Variants in DISC1 observed in about 807,000 individuals in gnomAD.
DISC1 encodes the protein DISC1 scaffold protein, also known as disrupted in schizophrenia 1 protein.
In DISC1, 57 loss-of-function variants were observed where a neutral mutation model predicts 84.5. That is an observed-to-expected ratio of 0.67 (90% CI 0.55 to 0.84). DISC1 has a LOEUF of 0.84. DISC1 is among the 40% of genes least tolerant of loss of function. The probability of loss-of-function intolerance (pLI) is 0.00; values close to 1 mark genes in which losing one functional copy is unlikely to be tolerated. For missense variants in DISC1, 1,000 were observed against 1,057.8 expected (o/e 0.95, Z 0.76); for synonymous variants, 411 against 415.2 (o/e 0.99, Z 0.12).
intron 9 of DISC1, among the ~76,000 whole-genome samples, chr1:231,857,222 G>C (rs2084333955): frequency 1.3e-5 from 2 of 152,160 alleles, no homozygotes; most frequent in Admixed American, 6.5e-5. Flanking sequence ...GGCTCTAGGG[G>C]ACCCTCCAGA....
At position 231,732,223 on chromosome 1, in the gene DISC1, A is replaced by G. The variant is rs537016216; in HGVS notation, c.1118-17703A>G. Among the ~76,000 whole-genome samples the G allele has an allele frequency of 2.0e-5, 3 of 152,350 alleles. No homozygotes were observed. In the South Asian group the frequency reaches 6.2e-4, roughly 32 times the overall value. On this transcript the variant is annotated intron_variant, in intron 3 of 12. Transcript: ENST00000439617. ...ATAGCATAGCAAGGCTTGACAGATA[A>G]TGATAACTAGCTATCTATGTGCCTA... is the stretch of plus-strand genomic sequence containing the variant.
chr1:231,833,623 T>C (rs1454879477), intron 9 of DISC1, among the ~76,000 whole-genome samples: 3 of 152,112 alleles, frequency 2.0e-5, no homozygotes, highest in East Asian at 1.9e-4. Context: ...GGAGGAATCC[T>C]GGGCTGCGGG....
At chr1:231,894,778 T>C (rs1028200852) in intron 9 of DISC1, among the ~76,000 whole-genome samples, 20 of 139,318 alleles carry the variant, frequency 1.4e-4, no homozygotes, top group African/African-American at 4.9e-4. Context: ...TGTGTGTGTG[T>C]GCATCTTTTT....
chr1:232,036,839 C>A lies in DISC1; in HGVS notation c.*8C>A, dbSNP rs562068421. 3 of 773,494 alleles carry A rather than the reference C, an allele frequency of 3.9e-6. No homozygotes were observed. The highest frequency in any genetic ancestry group is 5.6e-5 in the East Asian group (1 of 17,986). 47.9% of individuals were successfully genotyped at this position (773,494 alleles called of 1,614,324 possible). On this transcript the variant is annotated 3_prime_UTR_variant, in exon 13 of 13. Coordinates refer to ENST00000439617, the MANE Select transcript of DISC1 (RefSeq NM_018662.3). ...CACGAAGCACAAGCCTGAGGAGTGA[C>A]GGGATGGGGGAGGGAGGTGGGCCAC...
At chr1:231,975,041 G>A (rs1662588980) in intron 10 of DISC1, among the ~76,000 whole-genome samples, 1 of 152,194 alleles carries the variant, frequency 6.6e-6, no homozygotes, top group South Asian at 2.1e-4. Context: ...CAAGGTTGCA[G>A]TGAGCTGAGA....
At chr1:231,894,506 C>CT (rs1001161150) in intron 9 of DISC1, among the ~76,000 whole-genome samples, 2 of 151,934 alleles carry the variant, frequency 1.3e-5, no homozygotes, top group African/African-American at 2.4e-5. Flanking sequence ...TCTTTTCCTT[C>CT]TTTTTTTTCT....
intron 9 of DISC1, among the ~76,000 whole-genome samples, chr1:231,900,427 C>T (rs920181448): frequency 6.6e-6 from 1 of 152,192 alleles, no homozygotes; most frequent in African/African-American, 2.4e-5. Context: ...CCTAATTGGC[C>T]TACGTGGTTC....
intron 10 of DISC1, chr1:231,959,223 A>G (rs1408557432): frequency 8.7e-5 from 88 of 1,016,634 alleles, no homozygotes; most frequent in Non-Finnish European, 1.0e-4. Flanking sequence ...TTAGTGTTTG[A>G]GGGGGGTCTT....
intron 9 of DISC1, among the ~76,000 whole-genome samples, chr1:231,828,525 T>C (rs1375052851): frequency 6.6e-6 from 1 of 152,156 alleles, no homozygotes; most frequent in African/African-American, 2.4e-5. Context: ...CCCCTAAAGA[T>C]TATAGAGAAA....
intron 9 of DISC1, among the ~76,000 whole-genome samples, chr1:231,873,203 C>T (rs1423213534): frequency 6.6e-6 from 1 of 152,332 alleles, no homozygotes; most frequent in African/African-American, 2.4e-5. Context: ...GAAGAACAAA[C>T]CCATTATCTG....
At chr1:231,817,632 A>T (rs11122342) in intron 8 of DISC1, among the ~76,000 whole-genome samples, 34,737 of 152,124 alleles carry the variant, frequency 0.23, 4,232 homozygotes, top group East Asian at 0.39. Context: ...CCTCAGTATT[A>T]TGAGATTTAA....
In DISC1 at chr1:231,694,843, G is replaced by A. The variant is rs772710001; in HGVS notation, c.1047+38G>A. The A allele has an allele frequency of 3.4e-5, 54 of 1,606,194 alleles. No homozygotes were observed. The Admixed American group carries it at 3.7e-4, about 11-fold the overall frequency. On this transcript the variant is annotated intron_variant, in intron 2 of 12. Transcript: ENST00000439617. The stretch of plus-strand genomic sequence containing the variant: ...TCCACCTCTGTGGCCCGAGATTGTC[G>A]TGAGCTCAGATTAGCACTGGGCAGA...
intron 4 of DISC1, among the ~76,000 whole-genome samples, chr1:231,753,989 A>G (rs2074882155): frequency 6.6e-6 from 1 of 152,068 alleles, no homozygotes; most frequent in Non-Finnish European, 1.5e-5. Context: ...TAAGTTTCTC[A>G]TTTCCATCTG....
Position 232,037,850 on chromosome 1 carries a change from T to TAA in DISC1, c.*1019_*1020insAA, listed in dbSNP as rs1427777116. 8.0e-5 allele frequency: 11 copies of TAA among 137,338 alleles called. No individual in the cohort carries two copies. Among genetic ancestry groups the TAA allele is most frequent in the African/African-American group, 2.8e-4 (11 of 39,798 alleles). 8.5% of individuals were successfully genotyped at this position (137,338 alleles called of 1,614,324 possible). A position where few individuals can be genotyped will look rare whatever the true frequency, so the allele number is the denominator to read the frequency against. On this transcript the variant is annotated 3_prime_UTR_variant, in exon 13 of 13. Transcript: ENST00000439617. ...CTCAGTAATACAATACAGTACTCAGTTAGGCAGTGCAGTACTCAGGAATGC... is the reference window on the plus strand; with the variant it reads ...CTCAGTAATACAATACAGTACTCAGTAATAGGCAGTGCAGTACTCAGGAATGC...
At chr1:231,985,158 T>C (rs1224747284) in intron 10 of DISC1, among the ~76,000 whole-genome samples, 1 of 151,508 alleles carries the variant, frequency 6.6e-6, no homozygotes, top group African/African-American at 2.4e-5. Flanking sequence ...CCATCTCTAC[T>C]AAAAATACAA....
chr1:231,921,906 C>T (rs535189696), intron 9 of DISC1, among the ~76,000 whole-genome samples: 17 of 150,098 alleles, frequency 1.1e-4, no homozygotes, highest in African/African-American at 3.9e-4. Flanking sequence ...CATAGAGTCA[C>T]CATGCTCTGC....
At chr1:231,916,855 A>T (rs200647681) in intron 9 of DISC1, among the ~76,000 whole-genome samples, 3 of 152,030 alleles carry the variant, frequency 2.0e-5, no homozygotes, top group Non-Finnish European at 4.4e-5. Flanking sequence ...TGTCATTTGG[A>T]TGGGTCTTTG....
intron 1 of DISC1, among the ~76,000 whole-genome samples, chr1:231,691,784 G>A (rs1368015598): frequency 1.3e-5 from 2 of 152,292 alleles, no homozygotes; most frequent in Admixed American, 6.5e-5. Context: ...TGAGTAGTGC[G>A]TGTGCCTGAG....
intron 7 of DISC1, among the ~76,000 whole-genome samples, chr1:231,798,096 C>T (rs1190159006): frequency 1.1e-5 from 1 of 92,532 alleles, no homozygotes; most frequent in Non-Finnish European, 2.4e-5. Context: ...CTTTCTTTCT[C>T]TAGTGTGTTA....
Sources: allele counts gnomAD v4.1 joint callset (sites outside exome capture counted in the v4.1 genomes callset), GRCh38; gene constraint gnomAD v4.1.1; transcripts MANE v1.5; gene names NCBI Gene and HGNC (gene_info 2026-07-23, HGNC 2026-07-21).